Variants in FBXW4 observed in about 807,000 individuals in gnomAD.
FBXW4 encodes the protein F-box/WD repeat-containing protein 4.
FBXW4 carries 40 observed loss-of-function variants against 61.8 expected under a neutral mutation model. The observed-to-expected ratio is 0.65, with a 90% CI of 0.50 to 0.84. The LOEUF (loss-of-function observed/expected upper bound fraction) is 0.84, where lower values mean the gene tolerates loss of function less well. Among genes scored for constraint, FBXW4 ranks in the 40% least tolerant of loss-of-function variants. The probability of loss-of-function intolerance (pLI) is 0.00; values close to 1 mark genes in which losing one functional copy is unlikely to be tolerated. For synonymous variants in FBXW4, 311 were observed against 313.8 expected, an observed-to-expected ratio of 0.99 and a Z score of 0.10; for missense variants, 672 against 753.8, an observed-to-expected ratio of 0.89 and a Z score of 1.27.
chr10:101,676,501 G>C, intron 1 of FBXW4, 65 bp from the exon 2 acceptor site: 1 of 1,328,158 alleles, frequency 7.5e-7, no homozygotes, highest in Non-Finnish European at 1.1e-6. Context: ...AAAATTTCAT[G>C]GGCTTACTGA....
At chr10:101,633,341 T>C (rs894885435) in intron 5 of FBXW4, among the ~76,000 whole-genome samples, 5 of 152,080 alleles carry the variant, frequency 3.3e-5, no homozygotes, top group Non-Finnish European at 7.4e-5. Flanking sequence ...CTCAGCAAAC[T>C]AACACAAGAA....
At chr10:101,682,076 C>CA (rs960217716) in intron 1 of FBXW4, among the ~76,000 whole-genome samples, 51 of 152,112 alleles carry the variant, frequency 3.4e-4, no homozygotes, top group African/African-American at 1.2e-3. Context: ...TAAATCACTA[C>CA]AAAAAAAGTT....
intron 1 of FBXW4, among the ~76,000 whole-genome samples, chr10:101,688,989 T>C (rs953690200): frequency 3.9e-5 from 6 of 152,190 alleles, no homozygotes; most frequent in African/African-American, 1.4e-4. Flanking sequence ...AAGGTTAAGT[T>C]GTCACACACA....
intron 1 of FBXW4, among the ~76,000 whole-genome samples, chr10:101,680,607 C>T (rs2064465135): frequency 6.6e-6 from 1 of 152,186 alleles, no homozygotes; most frequent in South Asian, 2.1e-4. Context: ...GAATAGTTTA[C>T]AGGCATGTAC....
At chr10:101,656,846 T>G (rs989788545) in intron 5 of FBXW4, among the ~76,000 whole-genome samples, 1 of 152,198 alleles carries the variant, frequency 6.6e-6, no homozygotes, top group Non-Finnish European at 1.5e-5. Flanking sequence ...TACTTGAAAT[T>G]CTCTTCTGCA....
At chr10:101,635,873 A>C (rs1589751071) in intron 5 of FBXW4, among the ~76,000 whole-genome samples, 2 of 149,266 alleles carry the variant, frequency 1.3e-5, no homozygotes, top group Admixed American at 6.7e-5. Context: ...ATGGAGGGGC[A>C]CCCCTCCAGC....
intron 5 of FBXW4, among the ~76,000 whole-genome samples, chr10:101,634,505 C>G (rs2063984235): frequency 6.7e-6 from 1 of 149,116 alleles, no homozygotes; most frequent in Admixed American, 6.7e-5. Context: ...AGTTGTTCTA[C>G]CGGATCAAAA....
chr10:101,623,374 C>A (rs748882229), intron 6 of FBXW4, among the ~76,000 whole-genome samples: 2 of 151,906 alleles, frequency 1.3e-5, no homozygotes, highest in South Asian at 2.1e-4. Context: ...ATAATGAGAA[C>A]CTGTATCTCT....
intron 5 of FBXW4, among the ~76,000 whole-genome samples, chr10:101,645,083 T>A (rs527731481): frequency 6.6e-6 from 1 of 152,308 alleles, no homozygotes; most frequent in East Asian, 1.9e-4. Context: ...TTCAATGGCC[T>A]GGGCTGGCTG....
chr10:101,637,670 A>G (rs954042585), intron 5 of FBXW4, among the ~76,000 whole-genome samples: 6 of 138,444 alleles, frequency 4.3e-5, no homozygotes, highest in African/African-American at 1.6e-4. Flanking sequence ...ACTGTACTCC[A>G]GCCTGGGTGA....
At chr10:101,657,993 C>G (rs2064204731) in intron 5 of FBXW4, among the ~76,000 whole-genome samples, 1 of 152,184 alleles carries the variant, frequency 6.6e-6, no homozygotes, top group South Asian at 2.1e-4. Flanking sequence ...AATTCCCTAG[C>G]TCTTAATCCC....
At chr10:101,625,010 C>G in intron 5 of FBXW4, 200 bp from the exon 6 acceptor site, 1 of 635,040 alleles carries the variant, frequency 1.6e-6, no homozygotes, top group South Asian at 1.8e-5. Context: ...CCAGTGGTGC[C>G]TGGCCAGAAG....
chr10:101,668,789 C>T (rs542139526), intron 4 of FBXW4, among the ~76,000 whole-genome samples: 1 of 152,142 alleles, frequency 6.6e-6, no homozygotes, highest in African/African-American at 2.4e-5. Flanking sequence ...AGGGCTCCCC[C>T]CTCACTTCAC....
intron 5 of FBXW4, among the ~76,000 whole-genome samples, chr10:101,661,774 C>T (rs1002391188): frequency 1.3e-5 from 2 of 152,162 alleles, no homozygotes; most frequent in African/African-American, 4.8e-5. Context: ...TTTCCCTAGA[C>T]AAGACCCAGA....
At chr10:101,671,803 A>C (rs182504691) in intron 4 of FBXW4, among the ~76,000 whole-genome samples, 105 of 152,362 alleles carry the variant, frequency 6.9e-4, no homozygotes, top group Admixed American at 6.9e-3. Context: ...ATAGGAAGCA[A>C]GTGACAGGAA....
chr10:101,657,256 C>G (rs534702320), intron 5 of FBXW4, among the ~76,000 whole-genome samples: 16 of 152,216 alleles, frequency 1.1e-4, no homozygotes, highest in African/African-American at 3.4e-4. Context: ...TACTAGGGCA[C>G]CCCAGAGGCA....
intron 1 of FBXW4, among the ~76,000 whole-genome samples, chr10:101,677,937 G>C (rs1371983850): frequency 6.6e-6 from 1 of 151,184 alleles, no homozygotes. Flanking sequence ...GCACACTGAA[G>C]CCTTTAGGGA....
At chr10:101,619,416 TG>T (rs1420444833) in intron 6 of FBXW4, among the ~76,000 whole-genome samples, 1 of 151,998 alleles carries the variant, frequency 6.6e-6, no homozygotes. Flanking sequence ...CCCAGCACTT[TG>T]GGAGGCCGAG....
At chr10:101,651,483 T>G (rs1564914714) in intron 5 of FBXW4, among the ~76,000 whole-genome samples, 1 of 152,142 alleles carries the variant, frequency 6.6e-6, no homozygotes, top group Admixed American at 6.5e-5. Flanking sequence ...TGTGAGAAAG[T>G]GGTGAATCAG....
Sources: gnomAD v4.1 joint callset for allele counts (sites outside exome capture counted in the v4.1 genomes callset) on GRCh38, gnomAD v4.1.1 for gene constraint, MANE v1.5 for transcripts, NCBI Gene and HGNC (gene_info 2026-07-23, HGNC 2026-07-21) for gene names.